The following LDLRAD3 variants were observed in gnomAD, a reference collection of about 807,000 sequenced individuals.
LDLRAD3 encodes low density lipoprotein receptor class A domain containing 3.
Under a neutral mutation model 29.4 loss-of-function variants are expected in LDLRAD3, and 20 were observed. The observed-to-expected ratio is 0.68, with a 90% confidence interval of 0.48 to 0.99. The LOEUF is 0.99. Among genes scored for constraint, LDLRAD3 ranks in the 50% least tolerant of loss-of-function variants. The probability of loss-of-function intolerance (pLI) is 0.00; values close to 1 mark genes in which losing one functional copy is unlikely to be tolerated. For synonymous variants in LDLRAD3, 157 were observed against 192.7 expected, an observed-to-expected ratio of 0.81 and a Z score of 1.53; for missense variants, 420 against 454.3, an observed-to-expected ratio of 0.92 and a Z score of 0.69.
chr11:36,140,788 G>C (rs1854070282), intron 4 of LDLRAD3, among the ~76,000 whole-genome samples: 1 of 152,132 alleles, frequency 6.6e-6, no homozygotes, highest in African/African-American at 2.4e-5. Context: ...ATGTGTCTAT[G>C]AAAGTATTAA....
chr11:36,128,929 AGAGAGACACTG>A (rs1424136920), intron 4 of LDLRAD3, among the ~76,000 whole-genome samples: 1 of 146,480 alleles, frequency 6.8e-6, no homozygotes, highest in African/African-American at 2.8e-5. Context: ...CAAGGTTAGT[AGAGAGACACTG>A]GCTGGGATGC....
At chr11:36,051,176 G>A (rs973832380) in intron 2 of LDLRAD3, among the ~76,000 whole-genome samples, 1 of 152,224 alleles carries the variant, frequency 6.6e-6, no homozygotes, top group Non-Finnish European at 1.5e-5. Flanking sequence ...AGAAAGAAGA[G>A]GATGCTGCAT....
At chr11:36,043,674 G>A (rs1224859063) in intron 2 of LDLRAD3, among the ~76,000 whole-genome samples, 3 of 152,210 alleles carry the variant, frequency 2.0e-5, no homozygotes, top group Non-Finnish European at 4.4e-5. Flanking sequence ...GAGACTGGAG[G>A]GAGGCACCTG....
At chr11:36,216,812 A>G (rs527977507) in intron 4 of LDLRAD3, among the ~76,000 whole-genome samples, 1 of 152,340 alleles carries the variant, frequency 6.6e-6, no homozygotes, top group East Asian at 1.9e-4. Flanking sequence ...CAGTATATTG[A>G]TCAGACTCTA....
chr11:36,098,181 C>A, intron 3 of LDLRAD3, 146 bp from the exon 4 acceptor site: 1 of 969,428 alleles, frequency 1.0e-6, no homozygotes, highest in Non-Finnish European at 1.5e-6. Flanking sequence ...GCTGGCCAGC[C>A]TTACAGCATG....
At chr11:36,114,820 G>A (rs1853652553) in intron 4 of LDLRAD3, among the ~76,000 whole-genome samples, 1 of 152,100 alleles carries the variant, frequency 6.6e-6, no homozygotes, top group African/African-American at 2.4e-5. Context: ...CCACAGCCCT[G>A]TTACTTCTGT....
intron 1 of LDLRAD3, among the ~76,000 whole-genome samples, chr11:36,033,831 G>C (rs531420394): frequency 6.6e-6 from 1 of 152,148 alleles, no homozygotes. Context: ...TCTGGAGTCC[G>C]GTCTTGAGAG....
intron 4 of LDLRAD3, among the ~76,000 whole-genome samples, chr11:36,217,095 A>C (rs1855363568): frequency 6.6e-6 from 1 of 152,244 alleles, no homozygotes; most frequent in Non-Finnish European, 1.5e-5. Context: ...GAAATTGTGT[A>C]TATCAAAGGA....
intron 1 of LDLRAD3, among the ~76,000 whole-genome samples, chr11:36,001,376 A>C (rs1851823041): frequency 6.6e-6 from 1 of 152,212 alleles, no homozygotes; most frequent in Non-Finnish European, 1.5e-5. Context: ...TGTTCTTGAT[A>C]TGTAAAATAT....
chr11:36,015,807 T>A (rs1302423195), intron 1 of LDLRAD3, among the ~76,000 whole-genome samples: 1 of 152,156 alleles, frequency 6.6e-6, no homozygotes, highest in Non-Finnish European at 1.5e-5. Context: ...AGGATAACCC[T>A]CCACCCACTT....
chr11:36,109,277 T>C lies in LDLRAD3; in HGVS notation c.454+10816T>C, dbSNP rs1255219193. On this transcript the variant is annotated intron_variant, in intron 4 of 5. Coordinates refer to ENST00000315571, the MANE Select transcript of LDLRAD3 (RefSeq NM_174902.4). ...GAAGCTGGAGTGGTCCGTGGTGGCC[T>C]GCGTGGACTGGGGGCCTGGGAAACC... Among the ~76,000 whole-genome samples the C allele has an allele frequency of 2.0e-5, 3 of 151,480 alleles. No homozygotes were observed. The East Asian group carries it at 5.8e-4, about 30-fold the overall frequency.
chr11:36,173,134 T>G (rs537136778), intron 4 of LDLRAD3, among the ~76,000 whole-genome samples: 146 of 152,304 alleles, frequency 9.6e-4, no homozygotes, highest in Non-Finnish European at 1.6e-3. Flanking sequence ...ATAGTAGCCT[T>G]GAATGGTCTT....
chr11:36,136,842 C>T (rs1456989986), intron 4 of LDLRAD3, among the ~76,000 whole-genome samples: 1 of 152,064 alleles, frequency 6.6e-6, no homozygotes, highest in African/African-American at 2.4e-5. Context: ...AGGTGTGTGC[C>T]ACCACAGCTG....
At chr11:36,007,893 G>C (rs754079615) in intron 1 of LDLRAD3, among the ~76,000 whole-genome samples, 5 of 152,138 alleles carry the variant, frequency 3.3e-5, no homozygotes, top group Non-Finnish European at 7.3e-5. Context: ...TTTTTCCATG[G>C]CTATGTTTTT....
intron 2 of LDLRAD3, among the ~76,000 whole-genome samples, chr11:36,072,003 A>G (rs547613130): frequency 4.6e-5 from 7 of 152,326 alleles, no homozygotes; most frequent in African/African-American, 7.2e-5. Context: ...ATGTTCCTCC[A>G]TGGTTTGACT....
At position 36,191,576 on chromosome 11, in the gene LDLRAD3, C is replaced by CTATATA. The variant is rs71310173; in HGVS notation, c.455-35490_455-35485dup. Among the ~76,000 whole-genome samples the CTATATA allele has an allele frequency of 5.7e-3, 306 of 53,330 alleles. 3 individuals carry two copies. The highest frequency in any genetic ancestry group is 0.012 in the Middle Eastern group (1 of 86). 35.0% of individuals were successfully genotyped at this position (53,330 alleles called of 152,430 possible). The stretch of plus-strand genomic sequence containing the variant: ...TCTCTCTCTCTCTCTCTCTCTCTCT[C>CTATATA]TATATATATATATATATATATATAC... On this transcript the variant is annotated intron_variant, in intron 4 of 5. Coordinates refer to ENST00000315571, the MANE Select transcript of LDLRAD3 (RefSeq NM_174902.4).
intron 2 of LDLRAD3, among the ~76,000 whole-genome samples, chr11:36,079,933 G>T (rs769994028): frequency 1.3e-5 from 2 of 152,148 alleles, no homozygotes; most frequent in Non-Finnish European, 2.9e-5. Context: ...GTTGGAATTT[G>T]AACCCAGGAC....
chr11:36,145,371 G>C (rs1484098154), intron 4 of LDLRAD3, among the ~76,000 whole-genome samples: 2 of 99,068 alleles, frequency 2.0e-5, no homozygotes, highest in Non-Finnish European at 4.1e-5. Context: ...CGCCCCGTCT[G>C]GGAGGGAGGT....
At chr11:36,145,061 A>T (rs1159278070) in intron 4 of LDLRAD3, among the ~76,000 whole-genome samples, 35 of 62,414 alleles carry the variant, frequency 5.6e-4, no homozygotes, top group East Asian at 1.5e-3. Flanking sequence ...TACTGGGAAG[A>T]GAGGAGCCCC....
Sources: allele counts gnomAD v4.1 joint callset (sites outside exome capture counted in the v4.1 genomes callset), GRCh38; gene constraint gnomAD v4.1.1; transcripts MANE v1.5; gene names NCBI Gene and HGNC (gene_info 2026-07-23, HGNC 2026-07-21).